EYS: variants seen among roughly 807,000 people sequenced by gnomAD.
EYS encodes EGF-like photoreceptor maintenance factor.
Under a neutral mutation model 282.1 loss-of-function variants are expected in EYS, and 250 were observed. The ratio of observed to expected loss-of-function variants is 0.89; its 90% CI spans 0.80 to 0.98. EYS has a LOEUF of 0.98. EYS is among the 50% of genes least tolerant of loss of function. The pLI is 0.00. For synonymous variants in EYS, 1,355 were observed against 1,282.9 expected (o/e 1.06, Z -1.20); for missense variants, 4,016 against 3,709.0 (o/e 1.08, Z -2.15).
At chr6:64,127,886 G>A (rs769959183) in intron 31 of EYS, among the ~76,000 whole-genome samples, 3 of 151,964 alleles carry the variant, frequency 2.0e-5, no homozygotes, top group South Asian at 2.1e-4. Flanking sequence ...AAGTTTAAAC[G>A]CAGCAAAGAA....
intron 14 of EYS, among the ~76,000 whole-genome samples, chr6:64,976,115 T>C (rs1474373722): frequency 6.6e-6 from 1 of 151,980 alleles, no homozygotes; most frequent in Non-Finnish European, 1.5e-5. Flanking sequence ...AATACAATTA[T>C]TACTGAAAAG....
intron 5 of EYS, among the ~76,000 whole-genome samples, chr6:65,441,860 T>C (rs959173765): frequency 6.6e-5 from 10 of 152,100 alleles, no homozygotes; most frequent in Non-Finnish European, 7.4e-5. Context: ...TTCTAAATCC[T>C]GCTCAGACAT....
chr6:64,207,460 A>C (rs898463300), intron 31 of EYS, among the ~76,000 whole-genome samples: 4 of 152,146 alleles, frequency 2.6e-5, no homozygotes, highest in Admixed American at 2.6e-4. Flanking sequence ...GTACTATTAA[A>C]TATAAAGAAC....
intron 22 of EYS, among the ~76,000 whole-genome samples, chr6:64,703,601 T>A (rs1398881504): frequency 6.6e-6 from 1 of 151,118 alleles, no homozygotes; most frequent in Non-Finnish European, 1.5e-5. Flanking sequence ...CCAGGCTAAT[T>A]TCCCAGGACA....
chr6:65,385,653 G>A (rs1319670556), intron 7 of EYS, among the ~76,000 whole-genome samples: 1 of 151,736 alleles, frequency 6.6e-6, no homozygotes, highest in East Asian at 1.9e-4. Flanking sequence ...AGTTGCTTTG[G>A]CCATATTACT....
chr6:65,442,899 T>TATATAC (rs1562185189), intron 5 of EYS, among the ~76,000 whole-genome samples: 115 of 97,788 alleles, frequency 1.2e-3, no homozygotes, highest in Non-Finnish European at 2.3e-3. Flanking sequence ...TACATATATG[T>TATATAC]ATATATACAT....
chr6:64,804,095 A>T (rs1007418184), intron 22 of EYS, among the ~76,000 whole-genome samples: 3 of 152,176 alleles, frequency 2.0e-5, no homozygotes, highest in Admixed American at 6.5e-5. Context: ...GCTGGTCCAG[A>T]TGGGCCACAC....
At chr6:64,943,891 A>G (rs1169582864) in intron 15 of EYS, among the ~76,000 whole-genome samples, 1 of 152,118 alleles carries the variant, frequency 6.6e-6, no homozygotes, top group East Asian at 1.9e-4. Context: ...TTGAATAACT[A>G]AAGCAATCTT....
intron 12 of EYS, among the ~76,000 whole-genome samples, chr6:65,251,889 TTTTG>T (rs747861382): frequency 4.6e-5 from 7 of 152,016 alleles, no homozygotes; most frequent in African/African-American, 1.4e-4. Flanking sequence ...TTTTTGTTGT[TTTTG>T]TTTTTCTCTC....
At chr6:64,456,531 G>A (rs943871422) in intron 26 of EYS, among the ~76,000 whole-genome samples, 5 of 151,872 alleles carry the variant, frequency 3.3e-5, no homozygotes, top group Non-Finnish European at 5.9e-5. Flanking sequence ...CAATACCATG[G>A]CTACAAGAGG....
intron 12 of EYS, among the ~76,000 whole-genome samples, chr6:65,143,256 TGAAA>T (rs1764393504): frequency 7.2e-6 from 1 of 139,404 alleles, no homozygotes; most frequent in Non-Finnish European, 1.6e-5. Flanking sequence ...TTATACAGAC[TGAAA>T]GATTTTTTTT....
intron 33 of EYS, among the ~76,000 whole-genome samples, chr6:64,007,461 T>G (rs1385058306): frequency 6.6e-6 from 1 of 152,038 alleles, no homozygotes; most frequent in Non-Finnish European, 1.5e-5. Context: ...TTTTTGATCT[T>G]TTGTGTGTTT....
At chr6:63,917,041 T>C (rs1764440425) in intron 35 of EYS, among the ~76,000 whole-genome samples, 1 of 152,266 alleles carries the variant, frequency 6.6e-6, no homozygotes, top group East Asian at 1.9e-4. Context: ...AATTTAGTTA[T>C]GTGTACTGTT....
chr6:63,827,639 T>G (rs1771507024), intron 36 of EYS, among the ~76,000 whole-genome samples: 1 of 151,828 alleles, frequency 6.6e-6, no homozygotes, highest in African/African-American at 2.4e-5. Flanking sequence ...GGTCAGGAGA[T>G]CTAGACCATC....
At chr6:64,538,545 T>C (rs1253013397) in intron 26 of EYS, among the ~76,000 whole-genome samples, 3 of 152,188 alleles carry the variant, frequency 2.0e-5, no homozygotes, top group African/African-American at 7.2e-5. Flanking sequence ...AGATTGTTCC[T>C]TCTATTAGGT....
intron 19 of EYS, among the ~76,000 whole-genome samples, chr6:64,847,761 A>G (rs923392689): frequency 6.6e-6 from 1 of 152,002 alleles, no homozygotes; most frequent in African/African-American, 2.4e-5. Context: ...AATTCCAGTT[A>G]TTTTCCCTTT....
At chr6:64,513,713 G>A (rs1367985471) in intron 26 of EYS, among the ~76,000 whole-genome samples, 1 of 151,836 alleles carries the variant, frequency 6.6e-6, no homozygotes, top group African/African-American at 2.4e-5. Flanking sequence ...TGCAAAATGT[G>A]AGTAAATGTA....
chr6:65,364,198 G>T (rs1764821671), intron 8 of EYS, among the ~76,000 whole-genome samples: 1 of 149,094 alleles, frequency 6.7e-6, no homozygotes, highest in African/African-American at 2.4e-5. Context: ...AAACTGTAGG[G>T]TAATATGATT....
chr6:65,442,741 G>A (rs12661003), intron 5 of EYS, among the ~76,000 whole-genome samples: 2,965 of 106,878 alleles, frequency 0.028, 290 homozygotes, highest in East Asian at 0.055. Flanking sequence ...GTGACAGAGC[G>A]AGACTCCATC....
Sources: allele counts gnomAD v4.1 joint callset (sites outside exome capture counted in the v4.1 genomes callset), GRCh38; gene constraint gnomAD v4.1.1; transcripts MANE v1.5; gene names NCBI Gene and HGNC (gene_info 2026-07-23, HGNC 2026-07-21).